The following ANTXR2 variants were observed in gnomAD, a reference collection of about 807,000 sequenced individuals.
ANTXR2 encodes anthrax toxin receptor 2.
A neutral mutation model predicts 73.7 loss-of-function variants in ANTXR2; 44 were observed. The observed-to-expected ratio is 0.60, with a 90% CI of 0.47 to 0.77. The LOEUF (loss-of-function observed/expected upper bound fraction) is 0.77. Among genes scored for constraint, ANTXR2 ranks in the 30% least tolerant of loss-of-function variants. The pLI is 0.00. For missense variants in ANTXR2, 604 were observed against 592.5 expected (o/e 1.02, Z -0.20); for synonymous variants, 217 against 205.9 (o/e 1.05, Z -0.46).
At chr4:79,916,614 T>C (rs945938540) in intron 16 of ANTXR2, among the ~76,000 whole-genome samples, 2 of 152,112 alleles carry the variant, frequency 1.3e-5, no homozygotes, top group African/African-American at 4.8e-5. Flanking sequence ...TATTGTAGCA[T>C]TACTGGTGTT....
chr4:79,976,992 T>C (rs1435573336), intron 16 of ANTXR2, among the ~76,000 whole-genome samples: 2 of 152,248 alleles, frequency 1.3e-5, no homozygotes, highest in Non-Finnish European at 2.9e-5. Context: ...ACTATATTAC[T>C]GAAATTACAA....
At chr4:79,918,572 G>C (rs1016205026) in intron 16 of ANTXR2, among the ~76,000 whole-genome samples, 2 of 152,028 alleles carry the variant, frequency 1.3e-5, no homozygotes, top group Non-Finnish European at 2.9e-5. Context: ...AGTAAATGGG[G>C]AAAAATATCA....
At chr4:79,915,837 T>TCTCTCTCC (rs1727326330) in intron 16 of ANTXR2, among the ~76,000 whole-genome samples, 1 of 58,312 alleles carries the variant, frequency 1.7e-5, no homozygotes, top group African/African-American at 5.2e-5. Context: ...TCCCTCTCTC[T>TCTCTCTCC]CTCTCTCTCT....
intron 10 of ANTXR2, among the ~76,000 whole-genome samples, chr4:80,027,720 GT>G (rs1732506582): frequency 6.6e-6 from 1 of 152,090 alleles, no homozygotes; most frequent in Admixed American, 6.6e-5. Flanking sequence ...TCTTCACAAT[GT>G]GTTTATGTAT....
At chr4:80,069,415 G>C (rs779801954) in intron 3 of ANTXR2, 21 bp downstream of exon 3, 1 of 1,547,556 alleles carries the variant, frequency 6.5e-7, no homozygotes, top group Non-Finnish European at 8.9e-7. Flanking sequence ...AAAGCCTGCA[G>C]TGAAATGATA....
chr4:79,915,862 C>CTCTCTATATATA (rs377006532), intron 16 of ANTXR2, among the ~76,000 whole-genome samples: 10 of 123,878 alleles, frequency 8.1e-5, no homozygotes, highest in African/African-American at 1.5e-4. Flanking sequence ...CTCTCTCTCT[C>CTCTCTATATATA]TATATATATA....
intron 16 of ANTXR2, 82 bp from the exon 17 acceptor site, chr4:79,907,549 A>C: frequency 7.2e-7 from 1 of 1,390,808 alleles, no homozygotes; most frequent in Non-Finnish European, 1.0e-6. Context: ...TCCTACCATG[A>C]TAATAAATGA....
At chr4:79,948,238 C>T (rs1728583208) in intron 16 of ANTXR2, among the ~76,000 whole-genome samples, 3 of 152,116 alleles carry the variant, frequency 2.0e-5, no homozygotes, top group Admixed American at 6.6e-5. Flanking sequence ...AAATTATCTT[C>T]TCTGTTTTGT....
Position 79,906,214 on chromosome 4 carries a change from G to GCGAC in ANTXR2, c.*1211_*1214dup, listed in dbSNP as rs1726902637. 6.6e-6 allele frequency: 1 copy of GCGAC among 152,510 alleles called. No individual in the cohort carries two copies. Among genetic ancestry groups the GCGAC allele is most frequent in the Non-Finnish European group, 1.5e-5 (1 of 68,010 alleles). 9.4% of individuals were successfully genotyped at this position (152,510 alleles called of 1,614,324 possible). A position where few individuals can be genotyped will look rare whatever the true frequency, so the allele number is the denominator to read the frequency against. On this transcript the variant is annotated 3_prime_UTR_variant, in exon 17 of 17. Transcript: ENST00000403729. ...CATACATCGTCAATGTTTTGTGATA[G>GCGAC]CGACCCTCCAGAAGATTTAATTTGT...
chr4:79,974,854 AAATAATTTAACCT>A (rs1171818623), intron 16 of ANTXR2, among the ~76,000 whole-genome samples: 1 of 152,102 alleles, frequency 6.6e-6, no homozygotes, highest in African/African-American at 2.4e-5. Context: ...ATGAAAAAAT[AAATAATTTAACCT>A]GCTGGGGCAA....
At chr4:80,047,198 A>AT (rs1188788696) in intron 7 of ANTXR2, among the ~76,000 whole-genome samples, 2 of 151,442 alleles carry the variant, frequency 1.3e-5, no homozygotes, top group Non-Finnish European at 3.0e-5. Flanking sequence ...TCCCAACCAA[A>AT]TTTTTTTTAA....
intron 16 of ANTXR2, among the ~76,000 whole-genome samples, chr4:79,955,964 T>G (rs1000695623): frequency 6.6e-6 from 1 of 152,164 alleles, no homozygotes; most frequent in Non-Finnish European, 1.5e-5. Flanking sequence ...AATGTGCAAT[T>G]CCTGGAATAT....
intron 13 of ANTXR2, 59 bp downstream of exon 13, chr4:79,984,760 A>G (rs1156576678): frequency 7.1e-7 from 1 of 1,413,866 alleles, no homozygotes; most frequent in African/African-American, 1.4e-5. Context: ...AAATTTGGGC[A>G]TGGTATCTGC....
chr4:79,955,418 T>C (rs554814330), intron 16 of ANTXR2, among the ~76,000 whole-genome samples: 98 of 152,216 alleles, frequency 6.4e-4, no homozygotes, highest in African/African-American at 2.2e-3. Flanking sequence ...ACTTGTAAAA[T>C]ATTTATTTAT....
intron 16 of ANTXR2, among the ~76,000 whole-genome samples, chr4:79,976,048 G>T (rs1372799987): frequency 6.6e-6 from 1 of 151,874 alleles, no homozygotes; most frequent in Non-Finnish European, 1.5e-5. Flanking sequence ...GAGTAGCTGG[G>T]ACTACAGGCG....
At chr4:79,993,615 T>C (rs1266416355) in intron 12 of ANTXR2, among the ~76,000 whole-genome samples, 1 of 151,984 alleles carries the variant, frequency 6.6e-6, no homozygotes, top group Non-Finnish European at 1.5e-5. Context: ...ATCCACTACC[T>C]TACAAAGCAA....
chr4:79,919,776 C>T lies in ANTXR2; in HGVS notation c.1429-12309G>A, dbSNP rs535087664. 4.4e-4 allele frequency among the ~76,000 whole-genome samples: 61 copies of T among 138,960 alleles called. 1 individual carries two copies. The South Asian group carries it at 0.014, about 32-fold the overall frequency. 91.2% of individuals were successfully genotyped at this position (138,960 alleles called of 152,430 possible). ...CTATTGTGGGACCTCACCTTGTGAT[C>T]GTGTGAGTCAATACTCCTTAATAAA... is the stretch of plus-strand genomic sequence containing the variant. On this transcript the variant is annotated intron_variant, in intron 16 of 16. Transcript: ENST00000403729.
At chr4:80,055,630 T>C (rs897379194) in intron 4 of ANTXR2, among the ~76,000 whole-genome samples, 163 bp from the exon 5 acceptor site, 1 of 151,966 alleles carries the variant, frequency 6.6e-6, no homozygotes, top group Non-Finnish European at 1.5e-5. Context: ...TATGCATATA[T>C]TCACATTACA....
intron 8 of ANTXR2, among the ~76,000 whole-genome samples, chr4:80,035,343 A>G (rs1053018270): frequency 1.3e-5 from 2 of 152,122 alleles, no homozygotes; most frequent in African/African-American, 4.8e-5. Context: ...ATGGTACATT[A>G]CACAACATAT....
Sources: gnomAD v4.1 joint callset for allele counts (sites outside exome capture counted in the v4.1 genomes callset) on GRCh38, gnomAD v4.1.1 for gene constraint, MANE v1.5 for transcripts, NCBI Gene and HGNC (gene_info 2026-07-23, HGNC 2026-07-21) for gene names.